MIER2: variants seen among roughly 807,000 people sequenced by gnomAD.
MIER2 encodes MIER family member 2.
A neutral mutation model predicts 67.6 loss-of-function variants in MIER2; 30 were observed. That is an observed-to-expected ratio of 0.44 (90% confidence interval 0.33 to 0.60). MIER2 has a LOEUF of 0.60. Ranked by LOEUF, MIER2 falls within the 20% of genes least tolerant of loss-of-function variation. MIER2 has a pLI of 0.02. For missense variants in MIER2, 702 were observed against 745.1 expected (o/e 0.94, Z 0.67); for synonymous variants, 372 against 312.6 (o/e 1.19, Z -2.00).
At position 306,529 on chromosome 19, in the gene MIER2, C is replaced by G; in HGVS notation, c.*161G>C. On this transcript the variant is annotated 3_prime_UTR_variant, in exon 14 of 14. Transcript: ENST00000264819. ...CTGTGTGGACAGGGGCAAGGGCTCA[C>G]GGCCCAGCCACCTCACCCCAGTCCT... 2.0e-6 allele frequency: 2 copies of G among 984,410 alleles called. No individual in the cohort carries two copies. The highest frequency in any genetic ancestry group is 3.0e-6 in the Non-Finnish European group (2 of 660,150). The allele number at this position is 984,410 out of a possible 1,614,324, so 61.0% of individuals were successfully genotyped here.
rs528457596 is a variant in MIER2 at position 335,537 on chromosome 19, G to A, written c.100+546C>T. Among the ~76,000 whole-genome samples the A allele has an allele frequency of 3.9e-5, 6 of 152,288 alleles. No individual in the cohort carries two copies. The South Asian group carries it at 1.0e-3, about 26-fold the overall frequency. Reference sequence around the variant, plus strand: ...TGACTAGTTTGATACGGAAAGAGACGCAGCCCTACACCTGGCAGAAGGAGC... The same window carrying A: ...TGACTAGTTTGATACGGAAAGAGACACAGCCCTACACCTGGCAGAAGGAGC... On this transcript the variant is annotated intron_variant, in intron 2 of 13. Transcript: ENST00000264819.
chr19:340,820 C>T (rs1020982857), intron 1 of MIER2, among the ~76,000 whole-genome samples: 1 of 152,126 alleles, frequency 6.6e-6, no homozygotes, highest in African/African-American at 2.4e-5. Flanking sequence ...CAGGACCCAT[C>T]CAGCTTTAGA....
intron 7 of MIER2, among the ~76,000 whole-genome samples, chr19:321,659 A>G (rs1027317637): frequency 1.3e-5 from 2 of 152,094 alleles, no homozygotes; most frequent in Admixed American, 6.6e-5. Context: ...AAAAAGATTA[A>G]AACTTGTCAG....
intron 1 of MIER2, chr19:340,378 C>T (rs1357857875): frequency 1.3e-5 from 2 of 152,168 alleles, no homozygotes; most frequent in African/African-American, 2.4e-5. Flanking sequence ...TCCTGCTGGT[C>T]GGGAGCACTG....
intron 3 of MIER2, among the ~76,000 whole-genome samples, chr19:330,608 C>G (rs1001642806): frequency 6.7e-6 from 1 of 150,012 alleles, no homozygotes; most frequent in Non-Finnish European, 1.5e-5. Flanking sequence ...TCAACTGTTA[C>G]AGTCAACCCT....
intron 8 of MIER2, 53 bp downstream of exon 8, chr19:313,439 G>C: frequency 6.3e-7 from 1 of 1,584,116 alleles, no homozygotes; most frequent in South Asian, 1.2e-5. Context: ...GTGAGCTCTG[G>C]CCCACGCCAC....
At chr19:344,586 C>CG (rs554122544) in intron 1 of MIER2, 188 bp downstream of exon 1, 226,234 of 244,538 alleles carry the variant, frequency 0.93, 105,313 homozygotes, top group East Asian at 0.99. Flanking sequence ...GGGTGGGGGC[C>CG]GGCCGGGGGC....
intron 7 of MIER2, among the ~76,000 whole-genome samples, chr19:317,398 G>T (rs1320056615): frequency 1.3e-5 from 2 of 150,838 alleles, no homozygotes; most frequent in South Asian, 2.1e-4. Flanking sequence ...GTCATGGCGG[G>T]TGCCTGTAGT....
chr19:332,365 T>C (rs1200461943), intron 3 of MIER2, among the ~76,000 whole-genome samples: 14 of 152,128 alleles, frequency 9.2e-5, no homozygotes, highest in Non-Finnish European at 2.9e-5. Context: ...TGCAATGGCC[T>C]GATCTCGGCT....
chr19:325,780 T>C, intron 6 of MIER2, 76 bp from the exon 7 acceptor site: 1 of 1,538,126 alleles, frequency 6.5e-7, no homozygotes, highest in Non-Finnish European at 9.0e-7. Context: ...CAGCGTGCTG[T>C]GGCAGGCTTA....
At chr19:343,209 GC>G (rs1760783191) in intron 1 of MIER2, among the ~76,000 whole-genome samples, 1 of 152,228 alleles carries the variant, frequency 6.6e-6, no homozygotes, top group South Asian at 2.1e-4. Context: ...CTAGAGCAGG[GC>G]AGAACAGCCA....
chr19:323,691 T>C (rs1971597847), intron 7 of MIER2, among the ~76,000 whole-genome samples: 1 of 146,068 alleles, frequency 6.8e-6, no homozygotes, highest in African/African-American at 2.6e-5. Context: ...AGGACCACAA[T>C]GCAATACACA....
At chr19:334,178 T>G in intron 3 of MIER2, 2 of 560,418 alleles carry the variant, frequency 3.6e-6, no homozygotes, top group Non-Finnish European at 6.2e-6. Context: ...ACCAGAAGAT[T>G]TGAGAGCAGC....
chr19:343,988 C>T lies in MIER2; in HGVS notation c.9+786G>A, dbSNP rs940523489. 1.6e-5 allele frequency: 16 copies of T among 985,344 alleles called. No individual in the cohort carries two copies. In the African/African-American group the frequency reaches 2.3e-4, roughly 14 times the overall value. 61.0% of individuals were successfully genotyped at this position (985,344 alleles called of 1,614,324 possible). A position where few individuals can be genotyped will look rare whatever the true frequency, so the allele number is the denominator to read the frequency against. ...ACAGTCCTAGGTGGGTTTGATCAAA[C>T]ATCACAGTCCAAAATCCCACAGATC... On this transcript the variant is annotated intron_variant, in intron 1 of 13. Transcript: ENST00000264819.
At position 327,887 on chromosome 19, in the gene MIER2, G is replaced by T. The variant is rs140493222; in HGVS notation, c.346C>A (p.Leu116Ile). The change falls in exon 4 of 14, where the codon CTC (leucine) becomes ATC (isoleucine). Residue 116 changes from leucine (L) to isoleucine (I), a missense_variant. Physicochemically the swap from Leu to Ile is conservative, Grantham distance 5 (BLOSUM62 2). Transcript: ENST00000264819. ...ESEGGDVAPNLPDMTLDKEQI... is the reference protein window; with the variant it reads ...ESEGGDVAPNIPDMTLDKEQI... ...ACTTTGTCCAGGGTCATGTCTGGGA[G>T]GTTCGGGGCCACGTCACCACCCTCA... is the stretch of plus-strand genomic sequence containing the variant. The T allele has an allele frequency of 6.2e-7, 1 of 1,612,108 alleles. No homozygotes were observed. Among genetic ancestry groups the T allele is most frequent in the South Asian group, 1.1e-5 (1 of 90,996 alleles).
chr19:307,611 G>T (rs570750315), intron 12 of MIER2, 75 bp from the exon 13 acceptor site: 224 of 1,402,452 alleles, frequency 1.6e-4, no homozygotes, highest in Non-Finnish European at 2.0e-4. Flanking sequence ...GCCTAACTTT[G>T]CTGGGTCCAG....
chr19:324,434 C>T (rs1259627756), intron 7 of MIER2, among the ~76,000 whole-genome samples: 3 of 141,418 alleles, frequency 2.1e-5, no homozygotes, highest in Non-Finnish European at 4.5e-5. Flanking sequence ...CACACAACCA[C>T]GCAGACGACT....
At chr19:340,645 A>G (rs937322675) in intron 1 of MIER2, 2 of 152,468 alleles carry the variant, frequency 1.3e-5, no homozygotes, top group Non-Finnish European at 2.9e-5. Context: ...AAATCCATGT[A>G]TAAGTGACCC....
intron 7 of MIER2, among the ~76,000 whole-genome samples, chr19:321,304 C>T (rs1025727177): frequency 2.0e-5 from 3 of 152,212 alleles, no homozygotes; most frequent in African/African-American, 7.2e-5. Flanking sequence ...ACTTCATGGC[C>T]AGGAAGCACG....
Sources: gnomAD v4.1 joint callset for allele counts (sites outside exome capture counted in the v4.1 genomes callset) on GRCh38, gnomAD v4.1.1 for gene constraint, MANE v1.5 for transcripts, NCBI Gene and HGNC (gene_info 2026-07-23, HGNC 2026-07-21) for gene names.